The following VWF variants were observed in gnomAD, a reference collection of about 807,000 sequenced individuals.
VWF encodes von Willebrand factor, also known as Factor VIII related antigen.
In VWF, 176 loss-of-function variants were observed where a neutral mutation model predicts 308.6. The observed-to-expected ratio is 0.57, with a 90% CI of 0.50 to 0.65. The LOEUF is 0.65. VWF is among the 30% of genes least tolerant of loss of function. The probability of loss-of-function intolerance (pLI) is 0.00; values close to 1 mark genes in which losing one functional copy is unlikely to be tolerated. For synonymous variants in VWF, 1,385 were observed against 1,443.4 expected (o/e 0.96, Z 0.92); for missense variants, 3,146 against 3,648.2 (o/e 0.86, Z 3.55).
chr12:6,112,557 A>G (rs999557034), intron 3 of VWF, among the ~76,000 whole-genome samples: 10 of 152,158 alleles, frequency 6.6e-5, no homozygotes, highest in African/African-American at 2.4e-4. Context: ...CATAGGACTC[A>G]GGGGTAAAGT....
In VWF at chr12:6,029,515, AG is replaced by A. The variant is rs147220619; in HGVS notation, c.2821-28del. The A allele has an allele frequency of 5.7e-4, 920 of 1,613,786 alleles. 5 individuals are homozygous for A. The African/African-American group carries it at 0.011, about 20-fold the overall frequency. Reference sequence around the variant, plus strand: ...TGGAGGAAGACAAAGCAAGAAATCCAGGAGGATGAAGGGCAGGCTCGACAGC... The same window carrying A: ...TGGAGGAAGACAAAGCAAGAAATCCAGAGGATGAAGGGCAGGCTCGACAGC... On this transcript the variant is annotated intron_variant, in intron 21 of 51. Transcript: ENST00000261405.
chr12:6,087,247 A>G (rs11064021), intron 6 of VWF, among the ~76,000 whole-genome samples: 25,875 of 151,814 alleles, frequency 0.17, 2,633 homozygotes, highest in East Asian at 0.45. Flanking sequence ...TCGAACGGGC[A>G]TACAATGAAA....
rs375541104 is a variant in VWF, at chr12:6,095,895, C to T, written c.533-311G>A. 6.0e-4 allele frequency: 229 copies of T among 382,224 alleles called. 2 individuals carry two copies. Among genetic ancestry groups the T allele is most frequent in the Middle Eastern group, 4.3e-3 (5 of 1,170 alleles). 23.7% of individuals were successfully genotyped at this position (382,224 alleles called of 1,614,324 possible). ...ATGCATAGTGCTCTGCAGCCCAGAA[C>T]ACCTGGGCTCAAGCAATCCTCCCCC... On this transcript the variant is annotated intron_variant, in intron 5 of 51. Coordinates refer to ENST00000261405, the MANE Select transcript of VWF (RefSeq NM_000552.5).
chr12:6,101,933 G>T (rs1275233815), intron 5 of VWF, among the ~76,000 whole-genome samples: 1 of 152,076 alleles, frequency 6.6e-6, no homozygotes, highest in Non-Finnish European at 1.5e-5. Flanking sequence ...CCAGCACTTT[G>T]GCTTTTTAGA....
chr12:6,041,129 GA>G (rs1944391681), intron 18 of VWF, among the ~76,000 whole-genome samples: 1 of 152,106 alleles, frequency 6.6e-6, no homozygotes, highest in Non-Finnish European at 1.5e-5. Flanking sequence ...TGAAAAAAAG[GA>G]AAGAAAACAT....
rs753721365 is a variant in VWF at position 5,948,969 on chromosome 12, C to A, written c.*46G>T. On this transcript the variant is annotated 3_prime_UTR_variant, in exon 52 of 52. Transcript: ENST00000261405. This position sits in a 1 kb window ranked among gnomAD's most constrained non-coding sequence, Gnocchi z 4.4. ...ACTGGCAGCACTCTGGCCTGGCCAT[C>A]AGGCCAAGGCAGGCAGCAGCAGGCA... is the stretch of plus-strand genomic sequence containing the variant. The A allele has an allele frequency of 6.3e-7, 1 of 1,582,488 alleles. No individual in the cohort carries two copies. Among genetic ancestry groups the A allele is most frequent in the Middle Eastern group, 2.0e-4 (1 of 5,044 alleles).
At position 5,967,583 on chromosome 12, in the gene VWF, A is replaced by T. The variant is rs886049737; in HGVS notation, c.7790T>A (p.Ile2597Asn). ...TVIGPGKTVM[I>N]DVCTTCRCMV... ...GCAGCGGCAGGTCGTGCACACATCG[A>T]TCATCACAGTCTTCCCGGGCTGGAA... Residue 2597 changes from isoleucine (I) to asparagine (N), a missense_variant, in exon 47 of 52, where the codon ATC becomes AAC. Physicochemically the swap from Ile to Asn is moderately radical, Grantham distance 149 (BLOSUM62 -3). Transcript: ENST00000261405. The T allele has an allele frequency of 6.2e-7, 1 of 1,613,876 alleles. No individual in the cohort carries two copies. Among genetic ancestry groups the T allele is most frequent in the Non-Finnish European group, 8.5e-7 (1 of 1,179,994 alleles).
intron 28 of VWF, among the ~76,000 whole-genome samples, chr12:6,017,506 A>C (rs553227121): frequency 2.0e-5 from 3 of 152,386 alleles, no homozygotes; most frequent in African/African-American, 7.2e-5. Flanking sequence ...TACTAAAAGA[A>C]GGCTTATTAT....
chr12:6,022,883 T>C lies in VWF; in HGVS notation c.3395A>G (p.Glu1132Gly), dbSNP rs1476476767. ...TATLCPQSCE[E>G]RNLRENGYEC... is the part of the protein sequence containing the mutation. ...ATACCCGTTCTCCCGGAGATTCCTC[T>C]CCTCGCAGCTCTGGGCTGTGTAGAC... The change falls in exon 26 of 52, where the codon GAG (glutamate) becomes GGG (glycine). Residue 1132 changes from glutamate to glycine, a missense_variant. This residue lies in a region of VWF where 853 missense variants were observed against 1,177.8 expected (regional missense o/e 0.72). Coordinates refer to ENST00000261405, the MANE Select transcript of VWF (RefSeq NM_000552.5). The C allele has an allele frequency of 2.0e-6, 1 of 509,280 alleles. No homozygotes were observed. Among genetic ancestry groups the C allele is most frequent in the East Asian group, 3.4e-5 (1 of 29,484 alleles). The allele number at this position is 509,280 out of a possible 1,614,324, so 31.5% of individuals were successfully genotyped here.
chr12:6,057,831 G>GCCCC lies in VWF; in HGVS notation c.1729+14_1729+17dup, dbSNP rs778525689. 6.3e-7 allele frequency: 1 copy of GCCCC among 1,594,512 alleles called. No homozygotes were observed. Among genetic ancestry groups the GCCCC allele is most frequent in the Admixed American group, 1.7e-5 (1 of 58,304 alleles). On this transcript the variant is annotated intron_variant, in intron 14 of 51. Coordinates refer to ENST00000261405, the MANE Select transcript of VWF (RefSeq NM_000552.5). ...CGAGATTCTGCGAGGTCCCTGCCTT[G>GCCCC]CCCCCGGGTTCACATACTCATGCGC...
chr12:6,034,753 G>A lies in VWF; in HGVS notation c.2620C>T (p.His874Tyr), dbSNP rs1290188590. ...TTGAGCCCGTCGAAGGTGAGGTAGT[G>A]GGCCATGCCGATCGTGGAGCACGTG... is the stretch of plus-strand genomic sequence containing the variant. ...DATCSTIGMA[H>Y]YLTFDGLKYL... Residue 874 changes from histidine to tyrosine, a missense_variant, in exon 20 of 52, where the codon CAC becomes TAC. Physicochemically the swap from His to Tyr is moderately conservative, Grantham distance 83. Coordinates refer to ENST00000261405, the MANE Select transcript of VWF (RefSeq NM_000552.5). The A allele has an allele frequency of 1.9e-6, 3 of 1,614,216 alleles. No homozygotes were observed. Among genetic ancestry groups the A allele is most frequent in the Non-Finnish European group, 2.5e-6 (3 of 1,180,046 alleles).
intron 3 of VWF, among the ~76,000 whole-genome samples, chr12:6,112,083 G>T (rs1478449735): frequency 6.6e-6 from 1 of 152,186 alleles, no homozygotes; most frequent in Non-Finnish European, 1.5e-5. Context: ...TGCTGAATTT[G>T]ATTATCCAGG....
chr12:6,004,036 C>G (rs552589660), intron 34 of VWF, among the ~76,000 whole-genome samples: 13 of 152,064 alleles, frequency 8.5e-5, no homozygotes, highest in African/African-American at 3.1e-4. Context: ...CCAGGCTGGT[C>G]TCAATCTCCT....
At chr12:6,102,657 C>A (rs748947226) in intron 5 of VWF, among the ~76,000 whole-genome samples, 1 of 151,986 alleles carries the variant, frequency 6.6e-6, no homozygotes, top group African/African-American at 2.4e-5. Context: ...ATGGCATGAA[C>A]CTGGGAGGTG....
intron 3 of VWF, among the ~76,000 whole-genome samples, chr12:6,112,762 A>G (rs1332347736): frequency 3.3e-5 from 5 of 152,082 alleles, no homozygotes; most frequent in African/African-American, 1.2e-4. Context: ...GGAGAGGAAG[A>G]GTCCCCAGCA....
chr12:5,976,693 T>C (rs914567465), intron 42 of VWF, among the ~76,000 whole-genome samples: 2 of 151,886 alleles, frequency 1.3e-5, no homozygotes, highest in Non-Finnish European at 2.9e-5. Context: ...GCAGGGGCTA[T>C]GAATGCATGT....
At chr12:5,966,672 G>A (rs1015588449) in intron 47 of VWF, among the ~76,000 whole-genome samples, 1 of 136,322 alleles carries the variant, frequency 7.3e-6, no homozygotes, top group African/African-American at 2.8e-5. Flanking sequence ...CTGTCTCACC[G>A]AGCTGAGGGA....
chr12:6,110,485 C>A lies in VWF; in HGVS notation c.421G>T (p.Asp141Tyr), dbSNP rs61753992. The part of the protein sequence containing the change: ...GEAYGFVARI[D>Y]GSGNFQVLLS... ...AGGACTTGAAAGTTGCCGCTGCCAT[C>A]GATCCTGGCCACAAAGCCATAGGCC... Residue 141 changes from aspartate (D) to tyrosine (Y), a missense_variant, in exon 5 of 52, where the codon GAT (aspartate) becomes TAT (tyrosine). Physicochemically the swap from Asp to Tyr is radical, Grantham distance 160. Transcript: ENST00000261405. 6.2e-7 allele frequency: 1 copy of A among 1,614,172 alleles called. No individual in the cohort carries two copies. Among genetic ancestry groups the A allele is most frequent in the Admixed American group, 1.7e-5 (1 of 60,022 alleles).
At chr12:6,096,864 G>A (rs963999090) in intron 5 of VWF, among the ~76,000 whole-genome samples, 4 of 152,146 alleles carry the variant, frequency 2.6e-5, no homozygotes, top group African/African-American at 9.7e-5. Context: ...GAGAGAAGTA[G>A]GTCTCAAGGT....
Sources: allele counts gnomAD v4.1 joint callset (sites outside exome capture counted in the v4.1 genomes callset), GRCh38; gene constraint gnomAD v4.1.1; regional missense constraint gnomAD v4.1.1; non-coding constraint Gnocchi (gnomAD v3.1); transcripts MANE v1.5; gene names NCBI Gene and HGNC (gene_info 2026-07-23, HGNC 2026-07-21).